Variants in ANXA11 observed in about 807,000 individuals in gnomAD.
The protein encoded by ANXA11 is annexin A11, also known as 56 kDa autoantigen.
A neutral mutation model predicts 64.7 loss-of-function variants in ANXA11; 57 were observed. The observed-to-expected ratio is 0.88, with a 90% CI of 0.71 to 1.10. The LOEUF (loss-of-function observed/expected upper bound fraction) is 1.10. Ranked by LOEUF, ANXA11 falls within the 50% of genes least tolerant of loss-of-function variation. The probability of loss-of-function intolerance (pLI) is 0.00; values close to 1 mark genes in which losing one functional copy is unlikely to be tolerated. For synonymous variants in ANXA11, 260 were observed against 265.2 expected (o/e 0.98, Z 0.19); for missense variants, 675 against 670.7 (o/e 1.01, Z -0.07).
chr10:80,178,635 T>C (rs1389661546), intron 1 of ANXA11, among the ~76,000 whole-genome samples: 5 of 152,236 alleles, frequency 3.3e-5, no homozygotes, highest in African/African-American at 7.2e-5. Context: ...CAGTCCCCTA[T>C]AGGGCTTGTT....
chr10:80,166,879 C>A lies in ANXA11; in HGVS notation c.744+11G>T. ...CGCCTCACTGTCCCGCGCCCCCACCCCGCAGCTCGCCTTGCCGTAAGCCGT... is the reference window on the plus strand; with the variant it reads ...CGCCTCACTGTCCCGCGCCCCCACCACGCAGCTCGCCTTGCCGTAAGCCGT... On this transcript the variant is annotated intron_variant, in intron 7 of 15. Transcript: ENST00000422982. 2 of 1,596,842 alleles carry A rather than the reference C, an allele frequency of 1.3e-6. No individual in the cohort carries two copies. The highest frequency in any genetic ancestry group is 2.3e-5 in the East Asian group (1 of 43,758).
At chr10:80,198,838 G>A (rs910910466) in intron 1 of ANXA11, among the ~76,000 whole-genome samples, 8 of 152,252 alleles carry the variant, frequency 5.3e-5, no homozygotes, top group African/African-American at 4.8e-5. Context: ...GGAAGATGAC[G>A]ATGAGAAACT....
At chr10:80,180,644 GT>G (rs5786436) in intron 1 of ANXA11, among the ~76,000 whole-genome samples, 51,661 of 147,672 alleles carry the variant, frequency 0.35, 9,012 homozygotes, top group African/African-American at 0.41. Context: ...TTGTATATTA[GT>G]TTTTTTTTTT....
At position 80,172,861 on chromosome 10, in the gene ANXA11, T is replaced by TG. The variant is rs756045736; in HGVS notation, c.-1dup. 5.5e-5 allele frequency: 89 copies of TG among 1,613,614 alleles called. No individual in the cohort carries two copies. The Admixed American group carries it at 9.7e-4, about 18-fold the overall frequency. ...GGCGGGGGATAGCCAGGGTAGCTCATGGTTAGATCTGGAAGAGAAGACGAA... is the reference window on the plus strand; with the variant it reads ...GGCGGGGGATAGCCAGGGTAGCTCATGGGTTAGATCTGGAAGAGAAGACGAA... On this transcript the variant is annotated 5_prime_UTR_variant, in exon 3 of 16. Coordinates refer to ENST00000422982, the MANE Select transcript of ANXA11 (RefSeq NM_145868.2).
intron 2 of ANXA11, 184 bp from the exon 3 acceptor site, chr10:80,173,053 T>G: frequency 1.8e-6 from 1 of 571,238 alleles, no homozygotes; most frequent in East Asian, 3.1e-5. Context: ...CTAGAAACAG[T>G]ACCCACCAGC....
intron 5 of ANXA11, among the ~76,000 whole-genome samples, chr10:80,168,151 C>G (rs925721243): frequency 7.5e-6 from 1 of 134,068 alleles, no homozygotes; most frequent in Non-Finnish European, 1.7e-5. Flanking sequence ...TCTGCAAACA[C>G]GAACTGTTCT....
At chr10:80,165,733 T>G (rs912477083) in intron 8 of ANXA11, among the ~76,000 whole-genome samples, 1 of 152,132 alleles carries the variant, frequency 6.6e-6, no homozygotes, top group Non-Finnish European at 1.5e-5. Flanking sequence ...TCCTAAAGAA[T>G]GAGAACGATA....
chr10:80,205,055 G>A (rs1044095489), intron 1 of ANXA11: 1 of 152,266 alleles, frequency 6.6e-6, no homozygotes, highest in African/African-American at 2.4e-5. Context: ...GGCCCAGACT[G>A]AGACCCCGAC....
intron 4 of ANXA11, among the ~76,000 whole-genome samples, chr10:80,170,379 T>C (rs982229482): frequency 2.6e-4 from 39 of 152,212 alleles, no homozygotes; most frequent in African/African-American, 8.7e-4. Flanking sequence ...AAAAGTAGCA[T>C]GTCTGCCCAA....
chr10:80,175,675 A>G (rs1312905963), intron 2 of ANXA11, among the ~76,000 whole-genome samples: 1 of 152,252 alleles, frequency 6.6e-6, no homozygotes, highest in African/African-American at 2.4e-5. Flanking sequence ...AGAAACTGTC[A>G]AATGATGTGA....
intron 1 of ANXA11, among the ~76,000 whole-genome samples, chr10:80,189,269 G>A (rs1846670835): frequency 6.6e-6 from 1 of 152,158 alleles, no homozygotes; most frequent in South Asian, 2.1e-4. Context: ...GGAGGAAAAG[G>A]GCCAAGTGCC....
intron 4 of ANXA11, 131 bp downstream of exon 4, chr10:80,170,669 C>G (rs1845933654): frequency 3.4e-6 from 2 of 587,950 alleles, no homozygotes; most frequent in Non-Finnish European, 5.3e-6. Context: ...TTCTAAGGTA[C>G]AGCTCAACAC....
At chr10:80,200,466 G>C (rs1316970986) in intron 1 of ANXA11, among the ~76,000 whole-genome samples, 1 of 152,198 alleles carries the variant, frequency 6.6e-6, no homozygotes, top group African/African-American at 2.4e-5. Context: ...ATGACAGGTA[G>C]GAAGATCAGC....
At chr10:80,164,287 A>T (rs1209809089) in intron 8 of ANXA11, 144 bp from the exon 9 acceptor site, 1 of 617,894 alleles carries the variant, frequency 1.6e-6, no homozygotes, top group African/African-American at 1.8e-5. Flanking sequence ...AGCCACTCCC[A>T]GGCTCGAGGG....
chr10:80,161,899 T>C (rs1334703191), intron 12 of ANXA11, 36 bp downstream of exon 12: 3 of 1,556,986 alleles, frequency 1.9e-6, no homozygotes, highest in Non-Finnish European at 2.6e-6. Flanking sequence ...ACTGCCCTCA[T>C]CTAACTGGCC....
intron 13 of ANXA11, among the ~76,000 whole-genome samples, chr10:80,158,392 C>T (rs925499225): frequency 3.9e-5 from 6 of 152,108 alleles, no homozygotes; most frequent in Admixed American, 3.9e-4. Context: ...GAGGCCATGA[C>T]CGTCATGGAG....
chr10:80,164,811 A>G (rs1433363642), intron 8 of ANXA11, among the ~76,000 whole-genome samples: 1 of 152,214 alleles, frequency 6.6e-6, no homozygotes, highest in Non-Finnish European at 1.5e-5. Flanking sequence ...ACCTCACAGG[A>G]AAGTCATGAG....
intron 1 of ANXA11, among the ~76,000 whole-genome samples, chr10:80,178,082 T>C (rs866087260): frequency 6.6e-6 from 1 of 152,210 alleles, no homozygotes; most frequent in South Asian, 2.1e-4. Flanking sequence ...AAGTCGTTCC[T>C]GGCACCCCAG....
intron 3 of ANXA11, among the ~76,000 whole-genome samples, chr10:80,172,353 G>C (rs968299862): frequency 6.6e-6 from 1 of 152,162 alleles, no homozygotes; most frequent in Non-Finnish European, 1.5e-5. Context: ...CACACACCTT[G>C]AGCAGAGGGT....
Sources: gnomAD v4.1 joint callset for allele counts (sites outside exome capture counted in the v4.1 genomes callset) on GRCh38, gnomAD v4.1.1 for gene constraint, MANE v1.5 for transcripts, NCBI Gene and HGNC (gene_info 2026-07-23, HGNC 2026-07-21) for gene names.